Variants in KATNAL1 observed in about 807,000 individuals in gnomAD.
KATNAL1 encodes the protein katanin catalytic subunit A1 like 1.
In KATNAL1, 32 loss-of-function variants were observed where a neutral mutation model predicts 55.2. The observed-to-expected ratio is 0.58, with a 90% CI of 0.44 to 0.78. The LOEUF (loss-of-function observed/expected upper bound fraction) is 0.78. KATNAL1 is among the 30% of genes least tolerant of loss of function. The probability of loss-of-function intolerance (pLI) is 0.00; values close to 1 mark genes in which losing one functional copy is unlikely to be tolerated. For synonymous variants in KATNAL1, 193 were observed against 193.6 expected (o/e 1.00, Z 0.02); for missense variants, 466 against 600.9 (o/e 0.78, Z 2.35).
At chr13:30,252,011 A>T (rs190459615) in intron 4 of KATNAL1, among the ~76,000 whole-genome samples, 2 of 152,344 alleles carry the variant, frequency 1.3e-5, no homozygotes, top group East Asian at 1.9e-4. Context: ...AGACATAATC[A>T]GTCTCAGAAA....
At chr13:30,272,170 C>T (rs551113308) in intron 3 of KATNAL1, among the ~76,000 whole-genome samples, 17 of 152,160 alleles carry the variant, frequency 1.1e-4, no homozygotes, top group South Asian at 4.1e-4. Flanking sequence ...GAGGCCGAGG[C>T]GGGCAGATCA....
At chr13:30,267,050 G>C (rs902248737) in intron 3 of KATNAL1, among the ~76,000 whole-genome samples, 1 of 152,108 alleles carries the variant, frequency 6.6e-6, no homozygotes, top group East Asian at 1.9e-4. Flanking sequence ...GTGGGGCAAG[G>C]GGTGTGAAAA....
chr13:30,208,813 G>GA lies in KATNAL1; in HGVS notation c.1275-76dup, dbSNP rs200072298. On this transcript the variant is annotated intron_variant, in intron 10 of 10. Transcript: ENST00000380615. ...ACACTTTCAATTGTAACAAAGTTAT[G>GA]AAAAAAAAATCAAAAGATTATTTTA... 3,367 of 991,904 alleles carry GA rather than the reference G, an allele frequency of 3.4e-3. 10 individuals carry two copies. The highest frequency in any genetic ancestry group is 0.018 in the Admixed American group (586 of 31,988). The allele number at this position is 991,904 out of a possible 1,614,324, so 61.4% of individuals were successfully genotyped here. A position where few individuals can be genotyped will look rare whatever the true frequency, so the allele number is the denominator to read the frequency against.
At chr13:30,236,289 C>T (rs937682768) in intron 6 of KATNAL1, among the ~76,000 whole-genome samples, 3 of 152,132 alleles carry the variant, frequency 2.0e-5, no homozygotes, top group Admixed American at 2.0e-4. Context: ...CTGGGGACCC[C>T]CAAGTTTGTA....
rs531746987 is a variant in KATNAL1 at position 30,296,257 on chromosome 13, C to T, written c.-15+11074G>A. 11 of 1,169,954 alleles carry T rather than the reference C, an allele frequency of 9.4e-6. 1 individual carries two copies. The South Asian group carries it at 1.3e-4, about 14-fold the overall frequency. The allele number at this position is 1,169,954 out of a possible 1,614,324, so 72.5% of individuals were successfully genotyped here. On this transcript the variant is annotated intron_variant, in intron 1 of 10. Transcript: ENST00000380615. ...AGCTGTCAGACTACAAAGGGAAGTA[C>T]GTGGTCCTCTTTTTCTACCCTCTGG... is the stretch of plus-strand genomic sequence containing the variant.
chr13:30,221,739 G>T (rs1387294772), intron 9 of KATNAL1, among the ~76,000 whole-genome samples: 1 of 152,174 alleles, frequency 6.6e-6, no homozygotes, highest in Non-Finnish European at 1.5e-5. Context: ...CTGGGCAATG[G>T]TGCCCAAACA....
chr13:30,208,752 A>G lies in KATNAL1; in HGVS notation c.1275-14T>C. ...AAAGAGGCATCCCTAAAAATATACC[A>G]AAATCAGTCAACAGTAATTTTTGCA... On this transcript the variant is annotated splice_polypyrimidine_tract_variant and intron_variant, in intron 10 of 10. Transcript: ENST00000380615. 6.4e-7 allele frequency: 1 copy of G among 1,566,832 alleles called. No individual in the cohort carries two copies. Among genetic ancestry groups the G allele is most frequent in the Non-Finnish European group, 8.7e-7 (1 of 1,148,268 alleles).
At position 30,257,135 on chromosome 13, in the gene KATNAL1, T is replaced by C. The variant is rs573046628; in HGVS notation, c.324-1520A>G. Among the ~76,000 whole-genome samples, 4 of 152,362 alleles carry C rather than the reference T, an allele frequency of 2.6e-5. No homozygotes were observed. The South Asian group carries it at 8.3e-4, about 32-fold the overall frequency. On this transcript the variant is annotated intron_variant, in intron 3 of 10. Transcript: ENST00000380615. ...GAATAAAAAATTGTAATTGTTAAAT[T>C]GCTCTATTTCTAGTATTTCAATGTG...
chr13:30,285,015 C>T (rs1341171054), intron 1 of KATNAL1, among the ~76,000 whole-genome samples: 6 of 152,160 alleles, frequency 3.9e-5, no homozygotes, highest in South Asian at 2.1e-4. Context: ...TACTCTATGC[C>T]TTCTTCAGGG....
intron 1 of KATNAL1, among the ~76,000 whole-genome samples, chr13:30,285,621 A>C (rs1881728423): frequency 6.6e-6 from 1 of 152,240 alleles, no homozygotes; most frequent in Non-Finnish European, 1.5e-5. Context: ...GAAAGGACTA[A>C]TACAGTAGAC....
intron 5 of KATNAL1, among the ~76,000 whole-genome samples, 165 bp downstream of exon 5, chr13:30,240,794 T>C (rs1877189809): frequency 6.6e-6 from 1 of 152,240 alleles, no homozygotes; most frequent in Admixed American, 6.5e-5. Context: ...ACATGTAAAA[T>C]GTCCTTGGTT....
rs745866888 is a variant in KATNAL1 at position 30,231,467 on chromosome 13, T to G, written c.732A>C (p.Val244=). 2.0e-6 allele frequency: 3 copies of G among 1,514,306 alleles called. No individual in the cohort carries two copies. Among genetic ancestry groups the G allele is most frequent in the Non-Finnish European group, 2.7e-6 (3 of 1,130,804 alleles). 93.8% of individuals were successfully genotyped at this position (1,514,306 alleles called of 1,614,324 possible). The change falls in exon 7 of 11, where the codon GTA becomes GTC. Residue 244 remains valine (V), a synonymous_variant. Transcript: ENST00000380615. ...FKGIRRPWKG[V]LMVGPPGTGK... ...CAGTGCCTGGGGGTCCAACCATCAGTACACCCTGAAATTTCAAAAGACAAA... is the reference window on the plus strand; with the variant it reads ...CAGTGCCTGGGGGTCCAACCATCAGGACACCCTGAAATTTCAAAAGACAAA...
chr13:30,212,431 C>T (rs1410753366), intron 9 of KATNAL1, among the ~76,000 whole-genome samples: 3 of 152,220 alleles, frequency 2.0e-5, no homozygotes, highest in Non-Finnish European at 4.4e-5. Context: ...CTCATGCACC[C>T]CTCACCACTC....
At chr13:30,280,708 A>C (rs1881217069) in intron 2 of KATNAL1, among the ~76,000 whole-genome samples, 2 of 152,182 alleles carry the variant, frequency 1.3e-5, no homozygotes, top group South Asian at 4.1e-4. Flanking sequence ...TATGAATTAC[A>C]AACTTCCAGT....
chr13:30,281,832 C>T (rs1033495137), intron 2 of KATNAL1: 2 of 152,154 alleles, frequency 1.3e-5, no homozygotes, highest in Admixed American at 1.3e-4. Flanking sequence ...GTTCCCTGCA[C>T]GAGATGCACA....
rs1167025178 is a variant in KATNAL1 at position 30,202,682 on chromosome 13, CAGCTA to C, written c.*5853_*5857del. 1 of 152,170 alleles carries C rather than the reference CAGCTA, an allele frequency of 6.6e-6. No homozygotes were observed. The highest frequency in any genetic ancestry group is 2.4e-5 in the African/African-American group (1 of 41,434). 9.4% of individuals were successfully genotyped at this position (152,170 alleles called of 1,614,324 possible). On this transcript the variant is annotated 3_prime_UTR_variant, in exon 11 of 11. Coordinates refer to ENST00000380615, the MANE Select transcript of KATNAL1 (RefSeq NM_032116.5). ...ACCAAATATAACCTATGCACAAACA[CAGCTA>C]AGCTAATGAGATTAGCAAAGTAGCA...
chr13:30,238,809 A>G (rs1408589344), intron 6 of KATNAL1, among the ~76,000 whole-genome samples: 2 of 152,232 alleles, frequency 1.3e-5, no homozygotes, highest in South Asian at 2.1e-4. Context: ...AACCCTGTTT[A>G]TAACAGGGCT....
Position 30,274,903 on chromosome 13 carries a change from GCGCGCACACACA to G in KATNAL1, c.323+5148_323+5159del, listed in dbSNP as rs1271041604. 4.6e-3 allele frequency among the ~76,000 whole-genome samples: 428 copies of G among 93,740 alleles called. 1 individual carries two copies. Among genetic ancestry groups the G allele is most frequent in the African/African-American group, 0.014 (388 of 26,856 alleles). 61.5% of individuals were successfully genotyped at this position (93,740 alleles called of 152,430 possible). On this transcript the variant is annotated intron_variant, in intron 3 of 10. Coordinates refer to ENST00000380615, the MANE Select transcript of KATNAL1 (RefSeq NM_032116.5). ...TGTGCACACACATACGCGCGCGCGC[GCGCGCACACACA>G]CACACACACACACACACACACACAC... is the stretch of plus-strand genomic sequence containing the variant.
intron 3 of KATNAL1, among the ~76,000 whole-genome samples, chr13:30,274,907 G>GCGCGCACGCACACA (rs869107567): frequency 2.8e-5 from 3 of 105,390 alleles, no homozygotes; most frequent in African/African-American, 1.2e-4. Flanking sequence ...GCGCGCGCGC[G>GCGCGCACGCACACA]CACACACACA....
Sources: gnomAD v4.1 joint callset for allele counts (sites outside exome capture counted in the v4.1 genomes callset) on GRCh38, gnomAD v4.1.1 for gene constraint, MANE v1.5 for transcripts, NCBI Gene and HGNC (gene_info 2026-07-23, HGNC 2026-07-21) for gene names.